The following CNTN4 variants were observed in gnomAD, a reference collection of about 807,000 sequenced individuals.
CNTN4 encodes the protein contactin-4.
A neutral mutation model predicts 122.5 loss-of-function variants in CNTN4; 77 were observed. The ratio of observed to expected loss-of-function variants is 0.63; its 90% CI spans 0.52 to 0.76. The LOEUF (loss-of-function observed/expected upper bound fraction) is 0.76. Among genes scored for constraint, CNTN4 ranks in the 30% least tolerant of loss-of-function variants. The pLI, the probability that CNTN4 is intolerant of heterozygous loss-of-function variation, is 0.00. For missense variants in CNTN4, 1,256 were observed against 1,259.1 expected (o/e 1.00, Z 0.04); for synonymous variants, 512 against 447.0 (o/e 1.15, Z -1.83).
chr3:2,758,083 A>T (rs1316200894), intron 6 of CNTN4, among the ~76,000 whole-genome samples: 1 of 152,192 alleles, frequency 6.6e-6, no homozygotes, highest in Non-Finnish European at 1.5e-5. Context: ...TCTACCTCAT[A>T]AAATTTAGAT....
chr3:2,971,916 A>G (rs980250230), intron 13 of CNTN4, among the ~76,000 whole-genome samples: 1 of 152,208 alleles, frequency 6.6e-6, no homozygotes, highest in Non-Finnish European at 1.5e-5. Flanking sequence ...TGCACTTTAC[A>G]TTATGTGGAG....
intron 3 of CNTN4, among the ~76,000 whole-genome samples, chr3:2,375,800 A>G (rs1194233821): frequency 1.3e-5 from 2 of 152,202 alleles, no homozygotes; most frequent in Admixed American, 1.3e-4. Flanking sequence ...GTAAAAATCT[A>G]AGAATAACAT....
chr3:2,124,433 AACACACACAC>A lies in CNTN4; in HGVS notation c.-145+23825_-145+23834del, dbSNP rs60760373. Among the ~76,000 whole-genome samples, 66 of 123,894 alleles carry A rather than the reference AACACACACAC, an allele frequency of 5.3e-4. No individual in the cohort carries two copies. The South Asian group carries it at 5.9e-3, about 11-fold the overall frequency. The allele number at this position is 123,894 out of a possible 152,430, so 81.3% of individuals were successfully genotyped here. A position where few individuals can be genotyped will look rare whatever the true frequency, so the allele number is the denominator to read the frequency against. The stretch of plus-strand genomic sequence containing the variant: ...CCTTTGTCTGCATAGATTTATTTAA[AACACACACAC>A]ACACACACACACACACACACACACA... On this transcript the variant is annotated intron_variant, in intron 2 of 24. Transcript: ENST00000418658.
chr3:2,533,278 T>G (rs940374033), intron 3 of CNTN4, among the ~76,000 whole-genome samples: 4 of 151,858 alleles, frequency 2.6e-5, no homozygotes, highest in African/African-American at 4.8e-5. Context: ...ATGCTTTCCC[T>G]CCCCCTCCCT....
chr3:3,043,136 ACAGT>A lies in CNTN4; in HGVS notation c.2674_2677del (p.Val892MetfsTer2). On this transcript the variant is annotated frameshift_variant, in exon 22 of 25. Coordinates refer to ENST00000418658, the MANE Select transcript of CNTN4 (RefSeq NM_175607.3). LOFTEE classifies it high-confidence loss of function. Reference sequence around the variant, plus strand: ...TGCTGGGACAGGCCCCTCTAGTGCAACAGTCAATGTGACAACCCGAAAGCCACGT... The same window carrying A: ...TGCTGGGACAGGCCCCTCTAGTGCAACAATGTGACAACCCGAAAGCCACGT... 1 of 1,614,200 alleles carries A rather than the reference ACAGT, an allele frequency of 6.2e-7. No homozygotes were observed. Among genetic ancestry groups the A allele is most frequent in the East Asian group, 2.2e-5 (1 of 44,884 alleles).
intron 3 of CNTN4, among the ~76,000 whole-genome samples, chr3:2,348,255 T>C (rs1049015941): frequency 7.9e-5 from 12 of 152,338 alleles, no homozygotes; most frequent in African/African-American, 2.9e-4. Flanking sequence ...GGCCCAGCCG[T>C]GAGGTTTTTA....
At chr3:2,377,979 CTGT>C (rs2045884419) in intron 3 of CNTN4, among the ~76,000 whole-genome samples, 1 of 152,168 alleles carries the variant, frequency 6.6e-6, no homozygotes, top group Admixed American at 6.5e-5. Flanking sequence ...GTGCTAACAA[CTGT>C]TGTTGTCACC....
At chr3:2,305,869 C>G (rs570028156) in intron 2 of CNTN4, among the ~76,000 whole-genome samples, 13 of 152,102 alleles carry the variant, frequency 8.5e-5, no homozygotes, top group Non-Finnish European at 1.0e-4. Context: ...AAGTGTAACA[C>G]AAATAGAGTA....
At chr3:2,660,984 T>G (rs1236961564) in intron 4 of CNTN4, among the ~76,000 whole-genome samples, 1 of 152,240 alleles carries the variant, frequency 6.6e-6, no homozygotes, top group Non-Finnish European at 1.5e-5. Flanking sequence ...CAATATTTAT[T>G]GAACACTGAC....
intron 4 of CNTN4, among the ~76,000 whole-genome samples, chr3:2,706,045 C>G (rs1056467987): frequency 1.4e-5 from 2 of 142,470 alleles, no homozygotes; most frequent in Non-Finnish European, 3.0e-5. Context: ...GATAGACACA[C>G]AAACATATAT....
At position 2,947,316 on chromosome 3, in the gene CNTN4, G is replaced by A. The variant is rs557520146; in HGVS notation, c.1358+21537G>A. ...CCCATAACAAATTTTCCTGTGTACA[G>A]GCAAAGCATGTCATGAAAACCTTCT... On this transcript the variant is annotated intron_variant, in intron 13 of 24. Coordinates refer to ENST00000418658, the MANE Select transcript of CNTN4 (RefSeq NM_175607.3). Among the ~76,000 whole-genome samples, 5 of 152,178 alleles carry A rather than the reference G, an allele frequency of 3.3e-5. No homozygotes were observed. The South Asian group carries it at 6.2e-4, about 19-fold the overall frequency.
intron 2 of CNTN4, among the ~76,000 whole-genome samples, chr3:2,142,530 A>G (rs2035044442): frequency 6.6e-6 from 1 of 151,992 alleles, no homozygotes; most frequent in African/African-American, 2.4e-5. Context: ...TGCCTGGCTA[A>G]TTTTGTATTT....
At chr3:2,860,870 C>T (rs2093664165) in intron 7 of CNTN4, among the ~76,000 whole-genome samples, 1 of 152,154 alleles carries the variant, frequency 6.6e-6, no homozygotes, top group South Asian at 2.1e-4. Context: ...TTGCCTTCTC[C>T]TGCTACCTGT....
At chr3:2,123,366 A>G (rs2125226016) in intron 2 of CNTN4, among the ~76,000 whole-genome samples, 1 of 152,304 alleles carries the variant, frequency 6.6e-6, no homozygotes, top group East Asian at 1.9e-4. Flanking sequence ...CTTTTATTGC[A>G]TCATTGCAAT....
chr3:2,117,233 GCTT>G (rs1045299285), intron 2 of CNTN4, among the ~76,000 whole-genome samples: 4 of 152,188 alleles, frequency 2.6e-5, no homozygotes, highest in African/African-American at 9.6e-5. Flanking sequence ...ATTTGCTAGA[GCTT>G]CTCACAGAGC....
chr3:3,020,586 T>TCC (rs778517157), intron 14 of CNTN4, among the ~76,000 whole-genome samples: 45 of 152,082 alleles, frequency 3.0e-4, no homozygotes, highest in Admixed American at 1.2e-3. Context: ...GGCGCCCACC[T>TCC]CCACCTGAAT....
chr3:2,637,765 G>A (rs969453343), intron 4 of CNTN4, among the ~76,000 whole-genome samples: 1 of 152,078 alleles, frequency 6.6e-6, no homozygotes, highest in African/African-American at 2.4e-5. Flanking sequence ...AACCTCTGAT[G>A]TCCCTCTAGA....
chr3:2,359,699 C>A (rs1469097503), intron 3 of CNTN4, among the ~76,000 whole-genome samples: 1 of 152,052 alleles, frequency 6.6e-6, no homozygotes, highest in Non-Finnish European at 1.5e-5. Context: ...ACCACCACGC[C>A]CTGCTAATTT....
intron 2 of CNTN4, among the ~76,000 whole-genome samples, chr3:2,130,280 G>A (rs184440521): frequency 6.6e-6 from 1 of 152,266 alleles, no homozygotes; most frequent in African/African-American, 2.4e-5. Context: ...CTTTTCTGGA[G>A]CTCTGAACCA....
Sources: allele counts gnomAD v4.1 joint callset (sites outside exome capture counted in the v4.1 genomes callset), GRCh38; gene constraint gnomAD v4.1.1; transcripts MANE v1.5; gene names NCBI Gene and HGNC (gene_info 2026-07-23, HGNC 2026-07-21).